The following PDSS1 variants were observed in gnomAD, a reference collection of about 807,000 sequenced individuals.
PDSS1 encodes the protein decaprenyl diphosphate synthase subunit 1, also known as all trans-polyprenyl-diphosphate synthase PDSS1.
PDSS1 carries 43 observed loss-of-function variants against 57.5 expected under a neutral mutation model. The observed-to-expected ratio is 0.75, with a 90% CI of 0.59 to 0.96. The LOEUF is 0.96. Among genes scored for constraint, PDSS1 ranks in the 50% least tolerant of loss-of-function variants. The pLI is 0.00. For missense variants in PDSS1, 438 were observed against 527.8 expected (o/e 0.83, Z 1.67); for synonymous variants, 175 against 191.3 (o/e 0.91, Z 0.70).
chr10:26,735,019 AAGG>A (rs1836342961), intron 8 of PDSS1, among the ~76,000 whole-genome samples: 1 of 152,182 alleles, frequency 6.6e-6, no homozygotes, highest in Non-Finnish European at 1.5e-5. Context: ...GGGGTTGGAG[AAGG>A]AGAATTTTCT....
chr10:26,699,581 G>A (rs1387583938), intron 1 of PDSS1, among the ~76,000 whole-genome samples: 2 of 151,924 alleles, frequency 1.3e-5, no homozygotes, highest in African/African-American at 2.4e-5. Context: ...TTTTAGTAGA[G>A]ACGGCATTTC....
At chr10:26,699,286 A>G (rs187957203) in intron 1 of PDSS1, among the ~76,000 whole-genome samples, 1 of 152,254 alleles carries the variant, frequency 6.6e-6, no homozygotes, top group East Asian at 1.9e-4. Context: ...GATCCATTTC[A>G]GGACTGTTCT....
chr10:26,736,618 G>A (rs541329376), intron 10 of PDSS1, among the ~76,000 whole-genome samples: 7 of 152,212 alleles, frequency 4.6e-5, no homozygotes, highest in African/African-American at 1.7e-4. Flanking sequence ...ATAGCCATTG[G>A]CAGCATGATT....
chr10:26,718,481 C>T (rs1457784338), intron 5 of PDSS1, among the ~76,000 whole-genome samples: 1 of 152,050 alleles, frequency 6.6e-6, no homozygotes, highest in African/African-American at 2.4e-5. Context: ...AAGAATGAGG[C>T]CAGGCGTGGT....
chr10:26,718,253 G>T (rs948398183), intron 5 of PDSS1, among the ~76,000 whole-genome samples: 2 of 151,952 alleles, frequency 1.3e-5, no homozygotes, highest in African/African-American at 4.8e-5. Flanking sequence ...CTGTTGTCCA[G>T]GCTGGTCTCG....
intron 6 of PDSS1, among the ~76,000 whole-genome samples, chr10:26,722,757 T>C (rs1423644006): frequency 6.6e-6 from 1 of 151,822 alleles, no homozygotes; most frequent in African/African-American, 2.4e-5. Context: ...ATTAATGTGA[T>C]ATATAGGGTG....
chr10:26,720,338 T>C lies in PDSS1; in HGVS notation c.588T>C (p.Asn196=), dbSNP rs552242296. Residue 196 remains asparagine (N), a synonymous_variant, in exon 6 of 12, where the codon AAT becomes AAC. Coordinates refer to ENST00000376215, the MANE Select transcript of PDSS1 (RefSeq NM_014317.5). ...ASSRRGKHTV[N]KIWGEKKAVL... ...CTCGAAGAGGAAAACACACAGTTAA[T>C]AAGATCTGGGGTGAAAAGAAGGTAT... The C allele has an allele frequency of 6.2e-7, 1 of 1,612,920 alleles. No individual in the cohort carries two copies. The highest frequency in any genetic ancestry group is 1.7e-4 in the Middle Eastern group (1 of 6,060).
At chr10:26,743,496 C>G (rs1019752150) in intron 11 of PDSS1, among the ~76,000 whole-genome samples, 2 of 152,208 alleles carry the variant, frequency 1.3e-5, no homozygotes, top group African/African-American at 4.8e-5. Flanking sequence ...CCATTATTCA[C>G]TACGGGTTAC....
In PDSS1 at chr10:26,723,891, C is replaced by G. The variant is rs1189410952; in HGVS notation, c.695C>G (p.Thr232Ser). ...AATACAACTGTTATATCTATTTTAA[C>G]CCAAGTTATTGAAGATTTGGTGCGT... Reference protein sequence around the residue: ...IGNTTVISILTQVIEDLVRGE... With the variant: ...IGNTTVISILSQVIEDLVRGE... The change falls in exon 7 of 12, where the codon ACC becomes AGC. Residue 232 changes from threonine to serine, a missense_variant. This residue lies in a region of PDSS1 where 284 missense variants were observed against 390.7 expected (regional missense o/e 0.73). Coordinates refer to ENST00000376215, the MANE Select transcript of PDSS1 (RefSeq NM_014317.5). The G allele has an allele frequency of 6.2e-7, 1 of 1,611,694 alleles. No homozygotes were observed. Among genetic ancestry groups the G allele is most frequent in the Non-Finnish European group, 8.5e-7 (1 of 1,177,902 alleles).
rs1262095601 is a variant in PDSS1 at position 26,720,489 on chromosome 10, A to G, written c.609+130A>G. The G allele has an allele frequency of 4.1e-6, 3 of 733,144 alleles. No homozygotes were observed. In the African/African-American group the frequency reaches 5.3e-5, roughly 13 times the overall value. The allele number at this position is 733,144 out of a possible 1,614,324, so 45.4% of individuals were successfully genotyped here. On this transcript the variant is annotated intron_variant, in intron 6 of 11. Coordinates refer to ENST00000376215, the MANE Select transcript of PDSS1 (RefSeq NM_014317.5). ...GTAATGTGGTCTTCTGAATTTCAAA[A>G]AAGTATTCATGTCTTGTCCAAATAC...
intron 8 of PDSS1, among the ~76,000 whole-genome samples, chr10:26,732,781 T>C (rs2132294246): frequency 6.6e-6 from 1 of 152,324 alleles, no homozygotes; most frequent in African/African-American, 2.4e-5. Flanking sequence ...ATACAAAGTG[T>C]TCATCATATG....
At chr10:26,730,345 C>T (rs1836138969) in intron 8 of PDSS1, among the ~76,000 whole-genome samples, 1 of 152,076 alleles carries the variant, frequency 6.6e-6, no homozygotes, top group African/African-American at 2.4e-5. Flanking sequence ...CACAGTGTCT[C>T]ATGCCTGTAA....
chr10:26,744,743 A>G (rs528482593), intron 11 of PDSS1, among the ~76,000 whole-genome samples: 24 of 152,330 alleles, frequency 1.6e-4, no homozygotes, highest in Admixed American at 1.6e-3. Context: ...AAACGTGTGG[A>G]AAACACTGAG....
At position 26,735,469 on chromosome 10, in the gene PDSS1, A is replaced by G. The variant is rs753037428; in HGVS notation, c.916A>G (p.Ile306Val). The change falls in exon 10 of 12, where the codon ATA becomes GTA. Residue 306 changes from isoleucine (I) to valine (V), a missense_variant. By Grantham distance (29) the Ile-to-Val change is conservative (BLOSUM62 3). Transcript: ENST00000376215. ...GKNVGIAFQL[I>V]DDVLDFTSCS... ...ATCCCATTTTTCCTTTTGCCAGCTA[A>G]TAGATGATGTATTGGACTTCACCTC... 85 of 1,602,862 alleles carry G rather than the reference A, an allele frequency of 5.3e-5. No individual in the cohort carries two copies. The highest frequency in any genetic ancestry group is 7.2e-5 in the Non-Finnish European group (84 of 1,169,860).
intron 1 of PDSS1, 24 bp from the exon 2 acceptor site, chr10:26,702,138 C>T (rs939829511): frequency 1.5e-5 from 7 of 455,862 alleles, no homozygotes; most frequent in Non-Finnish European, 2.7e-5. Flanking sequence ...TTGGATGTAA[C>T]GTAACTTGTT....
intron 8 of PDSS1, 122 bp from the exon 9 acceptor site, chr10:26,735,118 T>A (rs768583333): frequency 9.7e-5 from 74 of 766,532 alleles, no homozygotes; most frequent in Non-Finnish European, 1.5e-4. Context: ...GATGTCAGCA[T>A]CTCCTGAGTG....
chr10:26,698,355 A>G (rs754597472), intron 1 of PDSS1, among the ~76,000 whole-genome samples: 3 of 151,966 alleles, frequency 2.0e-5, no homozygotes, highest in Non-Finnish European at 2.9e-5. Flanking sequence ...GGTGGACCGG[A>G]CCTTAGTTGT....
At chr10:26,698,922 G>A (rs1834960630) in intron 1 of PDSS1, among the ~76,000 whole-genome samples, 2 of 152,164 alleles carry the variant, frequency 1.3e-5, no homozygotes, top group African/African-American at 4.8e-5. Context: ...CCAGGAGTTT[G>A]GGACCAGCCT....
chr10:26,715,809 T>C (rs1330633545), intron 5 of PDSS1: 1 of 152,218 alleles, frequency 6.6e-6, no homozygotes, highest in Non-Finnish European at 1.5e-5. Context: ...GGATAAGTTG[T>C]AGATCCAGGT....
Sources: gnomAD v4.1 joint callset for allele counts (sites outside exome capture counted in the v4.1 genomes callset) on GRCh38, gnomAD v4.1.1 for gene constraint, gnomAD v4.1.1 regional missense constraint, MANE v1.5 for transcripts, NCBI Gene and HGNC (gene_info 2026-07-23, HGNC 2026-07-21) for gene names.